The following WWC1 variants were observed in gnomAD, a reference collection of about 807,000 sequenced individuals.
The protein encoded by WWC1 is protein KIBRA.
In WWC1, 55 loss-of-function variants were observed where a neutral mutation model predicts 138.4. The ratio of observed to expected loss-of-function variants is 0.40; its 90% confidence interval spans 0.32 to 0.50. The LOEUF is 0.50. WWC1 is among the 20% of genes least tolerant of loss of function. The pLI is 0.72. For synonymous variants in WWC1, 524 were observed against 564.9 expected (o/e 0.93, Z 1.03); for missense variants, 1,226 against 1,420.4 (o/e 0.86, Z 2.20).
chr5:168,341,307 G>A (rs1038346165), intron 1 of WWC1, among the ~76,000 whole-genome samples: 1 of 152,202 alleles, frequency 6.6e-6, no homozygotes, highest in South Asian at 2.1e-4. Context: ...ACCAGGCAGA[G>A]ATGGAGGAAA....
chr5:168,378,218 G>A (rs1012821113), intron 2 of WWC1, among the ~76,000 whole-genome samples: 2 of 152,142 alleles, frequency 1.3e-5, no homozygotes, highest in African/African-American at 4.8e-5. Context: ...TTTTTTGAGA[G>A]TGGGAGCTAA....
At chr5:168,370,352 A>T (rs962780031) in intron 1 of WWC1, among the ~76,000 whole-genome samples, 2 of 152,178 alleles carry the variant, frequency 1.3e-5, no homozygotes, top group Non-Finnish European at 2.9e-5. Flanking sequence ...TTGGGAGGGG[A>T]CATATCTAGC....
intron 1 of WWC1, among the ~76,000 whole-genome samples, chr5:168,316,240 A>T (rs985799758): frequency 6.6e-6 from 1 of 152,252 alleles, no homozygotes; most frequent in Admixed American, 6.5e-5. Context: ...CAAAGATACC[A>T]GCAGCCCCAG....
chr5:168,424,525 T>G (rs1781361872), intron 11 of WWC1, among the ~76,000 whole-genome samples: 1 of 152,210 alleles, frequency 6.6e-6, no homozygotes, highest in African/African-American at 2.4e-5. Flanking sequence ...GGGAATGTGA[T>G]CCAGCCTTTC....
Position 168,469,244 on chromosome 5 carries a change from A to G in WWC1, c.*227A>G. The G allele has an allele frequency of 3.6e-6, 2 of 555,528 alleles. No individual in the cohort carries two copies. The highest frequency in any genetic ancestry group is 6.4e-6 in the Non-Finnish European group (2 of 310,848). 34.4% of individuals were successfully genotyped at this position (555,528 alleles called of 1,614,324 possible). On this transcript the variant is annotated 3_prime_UTR_variant, in exon 23 of 23. Transcript: ENST00000265293. ...AAAAACAGAAACAAAAAAAACCAGCATTAAAATAATAAGATTGTATAGTTT... is the reference window on the plus strand; with the variant it reads ...AAAAACAGAAACAAAAAAAACCAGCGTTAAAATAATAAGATTGTATAGTTT...
At chr5:168,361,744 A>C (rs938931950) in intron 1 of WWC1, among the ~76,000 whole-genome samples, 5 of 152,054 alleles carry the variant, frequency 3.3e-5, no homozygotes, top group African/African-American at 1.2e-4. Context: ...GTTTCTTTTA[A>C]TTTTAACATT....
intron 18 of WWC1, 36 bp from the exon 19 acceptor site, chr5:168,455,320 G>A: frequency 6.5e-7 from 1 of 1,546,128 alleles, no homozygotes; most frequent in Non-Finnish European, 8.7e-7. Context: ...AGACTCTGTG[G>A]ACACTGGTGG....
chr5:168,460,646 G>A lies in WWC1; in HGVS notation c.2824-4G>A, dbSNP rs1409911825. On this transcript the variant is annotated splice_polypyrimidine_tract_variant and splice_region_variant and intron_variant, in intron 19 of 22. Transcript: ENST00000265293. ...TTTAAGATTCCATGACTTTTCTCTT[G>A]CAGCTGAATCGGAGTGATAGTGACA... 1 of 1,613,738 alleles carries A rather than the reference G, an allele frequency of 6.2e-7. No individual in the cohort carries two copies. The highest frequency in any genetic ancestry group is 8.5e-7 in the Non-Finnish European group (1 of 1,179,736).
At chr5:168,393,721 T>A (rs939537870) in intron 3 of WWC1, among the ~76,000 whole-genome samples, 1 of 152,030 alleles carries the variant, frequency 6.6e-6, no homozygotes, top group Non-Finnish European at 1.5e-5. Context: ...AAGGCGGATC[T>A]CAGGAAGCCA....
chr5:168,360,809 A>C (rs77508953), intron 1 of WWC1, among the ~76,000 whole-genome samples: 4,377 of 152,338 alleles, frequency 0.029, 210 homozygotes, highest in African/African-American at 0.099. Context: ...TAGAAGGACC[A>C]GCTCCTCAAG....
chr5:168,428,581 TA>T (rs2152857915), intron 12 of WWC1, 125 bp from the exon 13 acceptor site: 9 of 873,734 alleles, frequency 1.0e-5, no homozygotes, highest in Admixed American at 3.0e-5. Context: ...AATTAAAATT[TA>T]AAAAAGGACC....
At chr5:168,414,185 ATG>A (rs1780420145) in intron 8 of WWC1, 161 bp from the exon 9 acceptor site, 1 of 1,027,248 alleles carries the variant, frequency 9.7e-7, no homozygotes, top group East Asian at 2.7e-5. Flanking sequence ...AGGCACCCAC[ATG>A]TGTTTGTTTA....
intron 15 of WWC1, among the ~76,000 whole-genome samples, chr5:168,432,929 C>T (rs114515337): frequency 0.018 from 2,755 of 152,330 alleles, 91 homozygotes; most frequent in African/African-American, 0.061. Context: ...CCCCTTTCTC[C>T]TGCTGTAAAT....
intron 17 of WWC1, among the ~76,000 whole-genome samples, chr5:168,449,569 T>TC (rs1305211480): frequency 9.4e-6 from 1 of 106,750 alleles, no homozygotes; most frequent in Admixed American, 1.3e-4. Flanking sequence ...GTTTAACAGC[T>TC]CTTTTTTTTT....
At chr5:168,307,964 T>C (rs1048566840) in intron 1 of WWC1, among the ~76,000 whole-genome samples, 2 of 152,170 alleles carry the variant, frequency 1.3e-5, no homozygotes, top group African/African-American at 4.8e-5. Flanking sequence ...CATCTGCTTA[T>C]TTGGTATGAA....
At chr5:168,381,287 G>T (rs897764695) in intron 2 of WWC1, among the ~76,000 whole-genome samples, 2 of 152,136 alleles carry the variant, frequency 1.3e-5, no homozygotes, top group Non-Finnish European at 2.9e-5. Flanking sequence ...TGAGGTCTAA[G>T]GCCAAAGGGA....
chr5:168,374,604 G>A (rs1009054113), intron 2 of WWC1, among the ~76,000 whole-genome samples: 1 of 152,220 alleles, frequency 6.6e-6, no homozygotes, highest in Admixed American at 6.5e-5. Context: ...GCAGAGTAGA[G>A]GTCAGGCAGT....
Position 168,367,610 on chromosome 5 carries a change from C to T in WWC1, c.120-3814C>T, listed in dbSNP as rs978378835. The stretch of plus-strand genomic sequence containing the variant: ...CTGGGATTACAGGCATGAGCCACTG[C>T]GCCTGGCCCAGTCTTGTTAATTTTT... On this transcript the variant is annotated intron_variant, in intron 1 of 22. Coordinates refer to ENST00000265293, the MANE Select transcript of WWC1 (RefSeq NM_015238.3). 3.3e-5 allele frequency among the ~76,000 whole-genome samples: 5 copies of T among 152,258 alleles called. No individual in the cohort carries two copies. In the East Asian group the frequency reaches 5.8e-4, roughly 18 times the overall value.
In WWC1 at chr5:168,455,395, C is replaced by T. The variant is rs1256835642; in HGVS notation, c.2698C>T (p.Pro900Ser). Residue 900 changes from proline (P) to serine (S), a missense_variant, in exon 19 of 23, where the codon CCC becomes TCC. Physicochemically the swap from Pro to Ser is moderately conservative, Grantham distance 74. This residue lies in a region of WWC1 where 1,016 missense variants were observed against 1,153.9 expected (regional missense o/e 0.88). Coordinates refer to ENST00000265293, the MANE Select transcript of WWC1 (RefSeq NM_015238.3). ...CAACACGGAGACCCCGGCCCCATCC[C>T]CCACAGTGGTGCGACCTAAGGACCG... is the stretch of plus-strand genomic sequence containing the variant. Reference protein sequence around the residue: ...ETNTETPAPSPTVVRPKDRRV... With the variant: ...ETNTETPAPSSTVVRPKDRRV... 1 of 1,605,784 alleles carries T rather than the reference C, an allele frequency of 6.2e-7. No individual in the cohort carries two copies. The highest frequency in any genetic ancestry group is 8.5e-7 in the Non-Finnish European group (1 of 1,176,512).
Sources: gnomAD v4.1 joint callset for allele counts (sites outside exome capture counted in the v4.1 genomes callset) on GRCh38, gnomAD v4.1.1 for gene constraint, gnomAD v4.1.1 regional missense constraint, MANE v1.5 for transcripts, NCBI Gene and HGNC (gene_info 2026-07-23, HGNC 2026-07-21) for gene names.